The following EPS8 variants were observed in gnomAD, a reference collection of about 807,000 sequenced individuals.
EPS8 encodes the protein EGFR pathway substrate 8, signaling adaptor.
A neutral mutation model predicts 103.8 loss-of-function variants in EPS8; 42 were observed. That is an observed-to-expected ratio of 0.40 (90% confidence interval 0.32 to 0.52). EPS8 has a LOEUF of 0.52. Among genes scored for constraint, EPS8 ranks in the 20% least tolerant of loss-of-function variants. The pLI, the probability that EPS8 is intolerant of heterozygous loss-of-function variation, is 0.40. For missense variants in EPS8, 969 were observed against 1,005.1 expected (o/e 0.96, Z 0.49); for synonymous variants, 344 against 344.6 (o/e 1.00, Z 0.02).
intron 1 of EPS8, among the ~76,000 whole-genome samples, chr12:15,740,017 T>C (rs769155187): frequency 2.0e-5 from 3 of 151,926 alleles, no homozygotes; most frequent in Non-Finnish European, 2.9e-5. Context: ...ATACAGAGAA[T>C]ACTAACCAAA....
At chr12:15,719,271 C>A (rs556654411) in intron 1 of EPS8, among the ~76,000 whole-genome samples, 1 of 152,150 alleles carries the variant, frequency 6.6e-6, no homozygotes, top group Non-Finnish European at 1.5e-5. Flanking sequence ...GCAGCCTTGA[C>A]AAGTCAGGAA....
Position 15,747,665 on chromosome 12 carries a change from C to G in EPS8, c.-22+41496G>C, listed in dbSNP as rs1255041046. ...GAAATGAATGATCCAGAGATATTAT[C>G]CTATTCTCCAGAATCTTCAGTGACT... On this transcript the variant is annotated intron_variant, in intron 1 of 20. Transcript: ENST00000281172. The surrounding 1 kb of genome is among the most constrained non-coding windows in gnomAD (Gnocchi z 4.4). 6.6e-6 allele frequency among the ~76,000 whole-genome samples: 1 copy of G among 152,148 alleles called. No homozygotes were observed. The highest frequency in any genetic ancestry group is 1.5e-5 in the Non-Finnish European group (1 of 68,032).
intron 1 of EPS8, among the ~76,000 whole-genome samples, chr12:15,783,024 T>G (rs555438342): frequency 6.6e-6 from 1 of 152,326 alleles, no homozygotes; most frequent in Non-Finnish European, 1.5e-5. Context: ...CCACTAGAGA[T>G]GCCAGAAATG....
In EPS8 at chr12:15,778,618, T is replaced by A. The variant is rs375981121; in HGVS notation, c.-22+10543A>T. ...AATCTGAAGATAGGGTTTCAAAAATTCACATTCCTGGATTAAAGAATAATA... is the reference window on the plus strand; with the variant it reads ...AATCTGAAGATAGGGTTTCAAAAATACACATTCCTGGATTAAAGAATAATA... On this transcript the variant is annotated intron_variant, in intron 1 of 20. Transcript: ENST00000281172. This position sits in a 1 kb window ranked among gnomAD's most constrained non-coding sequence, Gnocchi z 4.5. Among the ~76,000 whole-genome samples the A allele has an allele frequency of 4.1e-4, 62 of 152,164 alleles. No homozygotes were observed. The highest frequency in any genetic ancestry group is 1.4e-3 in the African/African-American group (60 of 41,432).
chr12:15,681,228 T>C lies in EPS8; in HGVS notation c.134A>G (p.Tyr45Cys). ...CCCTATCAAATAAACAAACCTACCA[T>C]AAAGGGCCTTTGCACTTGTTTTTGA... The part of the protein sequence containing the change: ...HGSKTSAKAL[Y>C]EQRKNYARDS... The change falls in exon 3 of 21, where the codon TAT becomes TGT. Residue 45 changes from tyrosine (Y) to cysteine (C), a missense_variant and splice_region_variant. Coordinates refer to ENST00000281172, the MANE Select transcript of EPS8 (RefSeq NM_004447.6). 6.5e-7 allele frequency: 1 copy of C among 1,546,492 alleles called. No homozygotes were observed. Among genetic ancestry groups the C allele is most frequent in the Non-Finnish European group, 8.8e-7 (1 of 1,135,864 alleles).
At chr12:15,654,578 T>G in intron 12 of EPS8, 1 of 406,826 alleles carries the variant, frequency 2.5e-6, no homozygotes, top group South Asian at 2.9e-5. Flanking sequence ...CCAAAGGCTA[T>G]GCAGAGAATT....
At chr12:15,689,302 T>A (rs1251971930) in intron 1 of EPS8, among the ~76,000 whole-genome samples, 2 of 151,776 alleles carry the variant, frequency 1.3e-5, no homozygotes, top group East Asian at 3.9e-4. Flanking sequence ...GGAAGAGTAT[T>A]TACTGAGAAA....
chr12:15,759,925 C>T lies in EPS8; in HGVS notation c.-22+29236G>A, dbSNP rs1947023789. On this transcript the variant is annotated intron_variant, in intron 1 of 20. Transcript: ENST00000281172. The surrounding 1 kb of genome is among the most constrained non-coding windows in gnomAD (Gnocchi z 4.9). ...AAGAACTAGAAAAGCAAGAGCAAAC[C>T]AAACCCAAAATTCATAGAAAAAAGG... is the stretch of plus-strand genomic sequence containing the variant. 6.6e-6 allele frequency among the ~76,000 whole-genome samples: 1 copy of T among 151,218 alleles called. No homozygotes were observed. The highest frequency in any genetic ancestry group is 1.5e-5 in the Non-Finnish European group (1 of 67,680).
chr12:15,670,995 C>G, intron 3 of EPS8, 72 bp from the exon 4 acceptor site: 1 of 1,122,668 alleles, frequency 8.9e-7, no homozygotes, highest in Non-Finnish European at 1.4e-6. Context: ...TATCATGTGG[C>G]TATCTCTAAA....
At chr12:15,774,335 C>T (rs889691783) in intron 1 of EPS8, among the ~76,000 whole-genome samples, 1 of 141,742 alleles carries the variant, frequency 7.1e-6, no homozygotes, top group Non-Finnish European at 1.5e-5. Flanking sequence ...CCCCACCCCC[C>T]CTGCAACTTG....
rs1008180561 is a variant in EPS8 at position 15,727,283 on chromosome 12, G to A, written c.-21-44311C>T. ...CAACTGGGTTTGCTTTAGAAGCAAC[G>A]ATTCGAAGTAGATTAACTCTCACTA... is the stretch of plus-strand genomic sequence containing the variant. On this transcript the variant is annotated intron_variant, in intron 1 of 20. Transcript: ENST00000281172. This position sits in a 1 kb window ranked among gnomAD's most constrained non-coding sequence, Gnocchi z 4.3. 6.6e-6 allele frequency among the ~76,000 whole-genome samples: 1 copy of A among 152,150 alleles called. No homozygotes were observed. Among genetic ancestry groups the A allele is most frequent in the Non-Finnish European group, 1.5e-5 (1 of 68,032 alleles).
At chr12:15,639,872 C>T (rs780524398) in intron 17 of EPS8, among the ~76,000 whole-genome samples, 11 of 152,162 alleles carry the variant, frequency 7.2e-5, no homozygotes, top group Admixed American at 3.3e-4. Context: ...ATCTTTTTCT[C>T]GAGACTTTGA....
At chr12:15,661,705 T>A (rs1365927786) in intron 9 of EPS8, among the ~76,000 whole-genome samples, 2 of 152,196 alleles carry the variant, frequency 1.3e-5, no homozygotes, top group Admixed American at 1.3e-4. Context: ...ATATTTCAAT[T>A]ATGAATTACA....
chr12:15,679,877 A>G (rs1299889538), intron 3 of EPS8, among the ~76,000 whole-genome samples: 5 of 152,242 alleles, frequency 3.3e-5, no homozygotes, highest in African/African-American at 4.8e-5. Context: ...CTGTCTAGAA[A>G]TGAAAGACTG....
At chr12:15,628,224 A>G (rs1326217093) in intron 18 of EPS8, among the ~76,000 whole-genome samples, 3 of 152,208 alleles carry the variant, frequency 2.0e-5, no homozygotes, top group South Asian at 2.1e-4. Context: ...ACTGTCAAAC[A>G]GCATATGAGT....
chr12:15,672,555 T>C, intron 3 of EPS8: 1 of 397,928 alleles, frequency 2.5e-6, no homozygotes, highest in Non-Finnish European at 4.4e-6. Flanking sequence ...CCTAAAATTT[T>C]CTCTCCCAAT....
At chr12:15,643,103 T>C (rs189552586) in intron 15 of EPS8, among the ~76,000 whole-genome samples, 40 of 152,296 alleles carry the variant, frequency 2.6e-4, no homozygotes, top group Middle Eastern at 6.8e-3. Flanking sequence ...TCATTTACTT[T>C]ATATATTCAC....
chr12:15,681,475 A>G (rs1359356211), intron 2 of EPS8, among the ~76,000 whole-genome samples, 173 bp from the exon 3 acceptor site: 1 of 152,014 alleles, frequency 6.6e-6, no homozygotes, highest in African/African-American at 2.4e-5. Context: ...TCACGCCTAT[A>G]ATCCCAGCAC....
rs1195909740 is a variant in EPS8 at position 15,772,640 on chromosome 12, T to A, written c.-22+16521A>T. ...CTTGAGAGTTTCACTTAGGAAGAAT[T>A]TTGGATACCTATTCCATCCCAAGTA... On this transcript the variant is annotated intron_variant, in intron 1 of 20. Transcript: ENST00000281172. This position sits in a 1 kb window ranked among gnomAD's most constrained non-coding sequence, Gnocchi z 5.0. 6.6e-6 allele frequency among the ~76,000 whole-genome samples: 1 copy of A among 152,160 alleles called. No individual in the cohort carries two copies. The highest frequency in any genetic ancestry group is 2.4e-5 in the African/African-American group (1 of 41,422).
Sources: allele counts gnomAD v4.1 joint callset (sites outside exome capture counted in the v4.1 genomes callset), GRCh38; gene constraint gnomAD v4.1.1; non-coding constraint Gnocchi (gnomAD v3.1); transcripts MANE v1.5; gene names NCBI Gene and HGNC (gene_info 2026-07-23, HGNC 2026-07-21).